Variants in LRRTM4 observed in about 807,000 individuals in gnomAD.
The protein encoded by LRRTM4 is leucine rich repeat transmembrane neuronal 4.
Under a neutral mutation model 47.6 loss-of-function variants are expected in LRRTM4, and 25 were observed. The ratio of observed to expected loss-of-function variants is 0.53; its 90% CI spans 0.38 to 0.73. The LOEUF (loss-of-function observed/expected upper bound fraction) is 0.73, where lower values mean the gene tolerates loss of function less well. Ranked by LOEUF, LRRTM4 falls within the 30% of genes least tolerant of loss-of-function variation. The pLI is 0.00. For synonymous variants in LRRTM4, 311 were observed against 269.5 expected, an observed-to-expected ratio of 1.15 and a Z score of -1.51; for missense variants, 638 against 713.4, an observed-to-expected ratio of 0.89 and a Z score of 1.20.
At chr2:77,343,108 G>GT (rs1271457192) in intron 3 of LRRTM4, among the ~76,000 whole-genome samples, 1 of 151,848 alleles carries the variant, frequency 6.6e-6, no homozygotes, top group Non-Finnish European at 1.5e-5. Flanking sequence ...CTTCCCCCAG[G>GT]TCGTTTGAGG....
Position 77,167,608 on chromosome 2 carries a change from A to G in LRRTM4, c.1551+350710T>C, listed in dbSNP as rs1362228245. Among the ~76,000 whole-genome samples the G allele has an allele frequency of 4.6e-5, 7 of 152,334 alleles. No homozygotes were observed. In the East Asian group the frequency reaches 1.2e-3, roughly 25 times the overall value. On this transcript the variant is annotated intron_variant, in intron 3 of 3. Coordinates refer to ENST00000409884, the MANE Select transcript of LRRTM4 (RefSeq NM_001134745.3). ...AAAATGTGGCATATATACACCACGG[A>G]ATACTATGCAGCCATAAAAAATGAT...
chr2:77,009,442 C>T (rs552985922), intron 3 of LRRTM4: 1 of 152,186 alleles, frequency 6.6e-6, no homozygotes, highest in South Asian at 2.1e-4. Flanking sequence ...CAATATGACT[C>T]ATCCCTCTCA....
intron 3 of LRRTM4, chr2:76,987,492 CAT>C (rs1397225388): frequency 3.3e-5 from 5 of 151,972 alleles, no homozygotes; most frequent in African/African-American, 4.8e-5. Flanking sequence ...AGAAAGAAGA[CAT>C]GTGAGTTTCT....
chr2:77,178,910 C>T (rs1203999447), intron 3 of LRRTM4, among the ~76,000 whole-genome samples: 6 of 152,070 alleles, frequency 3.9e-5, no homozygotes, highest in African/African-American at 1.4e-4. Flanking sequence ...TACATTCATA[C>T]CAGTAGTGTG....
intron 3 of LRRTM4, among the ~76,000 whole-genome samples, chr2:77,463,540 C>A (rs190082114): frequency 5.9e-4 from 90 of 152,106 alleles, no homozygotes; most frequent in Non-Finnish European, 9.7e-4. Context: ...TTTCTAAGTG[C>A]ATTTTTACAA....
At chr2:77,210,271 A>C (rs376726201) in intron 3 of LRRTM4, among the ~76,000 whole-genome samples, 12 of 152,140 alleles carry the variant, frequency 7.9e-5, no homozygotes, top group African/African-American at 2.7e-4. Flanking sequence ...TCACAACACA[A>C]AATCCTTCCT....
intron 3 of LRRTM4, among the ~76,000 whole-genome samples, chr2:77,489,131 G>GTT (rs1678040350): frequency 5.5e-4 from 11 of 19,850 alleles, no homozygotes; most frequent in Admixed American, 1.8e-3. Context: ...ATGGCCAAAT[G>GTT]GTCTCTATAT....
At chr2:76,839,954 G>T (rs1272098740) in intron 3 of LRRTM4, among the ~76,000 whole-genome samples, 1 of 151,832 alleles carries the variant, frequency 6.6e-6, no homozygotes, top group African/African-American at 2.4e-5. Context: ...AGAATTATTG[G>T]GTGTCTCCTA....
chr2:77,006,478 AG>A (rs1677654042), intron 3 of LRRTM4, among the ~76,000 whole-genome samples: 1 of 152,174 alleles, frequency 6.6e-6, no homozygotes. Flanking sequence ...TGAGGATTAG[AG>A]GAACAAGAAG....
intron 3 of LRRTM4, among the ~76,000 whole-genome samples, chr2:77,088,016 A>C (rs1680782292): frequency 6.6e-6 from 1 of 152,222 alleles, no homozygotes; most frequent in Admixed American, 6.5e-5. Context: ...GAAATAAAGC[A>C]GGGAAGCAGG....
chr2:77,093,197 T>C (rs28753213), intron 3 of LRRTM4, among the ~76,000 whole-genome samples: 17,593 of 139,120 alleles, frequency 0.13, 2,055 homozygotes, highest in African/African-American at 0.33. Context: ...TACACTGTTT[T>C]TCCAAGCCAT....
At chr2:77,144,500 C>T (rs1416836195) in intron 3 of LRRTM4, among the ~76,000 whole-genome samples, 1 of 152,094 alleles carries the variant, frequency 6.6e-6, no homozygotes, top group African/African-American at 2.4e-5. Flanking sequence ...ACAGAAGCAG[C>T]TATGAATTAC....
chr2:77,179,388 T>G (rs1194035388), intron 3 of LRRTM4, among the ~76,000 whole-genome samples: 1 of 152,196 alleles, frequency 6.6e-6, no homozygotes. Context: ...CTTACAGATG[T>G]CCTGAGTCAG....
chr2:77,121,694 G>A (rs1422675703), intron 3 of LRRTM4, among the ~76,000 whole-genome samples: 4 of 151,826 alleles, frequency 2.6e-5, no homozygotes, highest in African/African-American at 4.8e-5. Flanking sequence ...CTGGACTTTC[G>A]TAATTTGAAG....
intron 3 of LRRTM4, among the ~76,000 whole-genome samples, chr2:77,138,444 A>G (rs887130925): frequency 6.6e-6 from 1 of 152,322 alleles, no homozygotes; most frequent in Admixed American, 6.5e-5. Flanking sequence ...GACACAACAT[A>G]CCAGAATCTC....
intron 3 of LRRTM4, among the ~76,000 whole-genome samples, chr2:76,984,999 C>T (rs1483351399): frequency 1.3e-5 from 2 of 151,902 alleles, no homozygotes; most frequent in African/African-American, 2.4e-5. Flanking sequence ...AGTTTCACTA[C>T]GACAGCATTC....
At chr2:77,275,641 A>C (rs941830291) in intron 3 of LRRTM4, among the ~76,000 whole-genome samples, 10 of 152,132 alleles carry the variant, frequency 6.6e-5, no homozygotes, top group African/African-American at 2.2e-4. Context: ...GCAAGGATTT[A>C]GGCTTCTAGG....
At chr2:77,051,145 G>C (rs1356730977) in intron 3 of LRRTM4, among the ~76,000 whole-genome samples, 1 of 151,860 alleles carries the variant, frequency 6.6e-6, no homozygotes, top group Non-Finnish European at 1.5e-5. Context: ...TGGAGGGGCT[G>C]CTATTGTCAT....
At chr2:77,140,092 A>G (rs13183280) in intron 3 of LRRTM4, among the ~76,000 whole-genome samples, 2 of 152,160 alleles carry the variant, frequency 1.3e-5, no homozygotes, top group Non-Finnish European at 2.9e-5. Flanking sequence ...TCAAGCTACC[A>G]ATGACTCTCT....
Sources: gnomAD v4.1 joint callset for allele counts (sites outside exome capture counted in the v4.1 genomes callset) on GRCh38, gnomAD v4.1.1 for gene constraint, MANE v1.5 for transcripts, NCBI Gene and HGNC (gene_info 2026-07-23, HGNC 2026-07-21) for gene names.